Variants in ALKBH8 observed in about 807,000 individuals in gnomAD.
ALKBH8 encodes the protein tRNA (carboxymethyluridine(34)-5-O)-methyltransferase ALKBH8.
In ALKBH8, 36 loss-of-function variants were observed where a neutral mutation model predicts 59.8. The ratio of observed to expected loss-of-function variants is 0.60; its 90% CI spans 0.46 to 0.79. The LOEUF (loss-of-function observed/expected upper bound fraction) is 0.79, where lower values mean the gene tolerates loss of function less well. Among genes scored for constraint, ALKBH8 ranks in the 30% least tolerant of loss-of-function variants. ALKBH8 has a pLI of 0.00. For synonymous variants in ALKBH8, 276 were observed against 273.6 expected, an observed-to-expected ratio of 1.01 and a Z score of -0.09; for missense variants, 768 against 801.0, an observed-to-expected ratio of 0.96 and a Z score of 0.50.
At chr11:107,511,833 C>T (rs1159346305) in intron 10 of ALKBH8, among the ~76,000 whole-genome samples, 1 of 152,166 alleles carries the variant, frequency 6.6e-6, no homozygotes, top group Admixed American at 6.5e-5. Context: ...GCCTCAGCCT[C>T]CCAAAGTGCT....
At chr11:107,525,332 T>G in intron 9 of ALKBH8, 109 bp downstream of exon 9, 1 of 988,690 alleles carries the variant, frequency 1.0e-6, no homozygotes. Flanking sequence ...ATACAGGAAA[T>G]GCCATTAGAG....
chr11:107,510,048 C>T (rs571385537), intron 11 of ALKBH8, among the ~76,000 whole-genome samples: 1 of 152,264 alleles, frequency 6.6e-6, no homozygotes, highest in African/African-American at 2.4e-5. Flanking sequence ...CCACTGAGGC[C>T]TAGTGGCTTT....
chr11:107,546,744 C>T (rs1020199507), intron 7 of ALKBH8, among the ~76,000 whole-genome samples: 1 of 151,864 alleles, frequency 6.6e-6, no homozygotes, highest in Non-Finnish European at 1.5e-5. Flanking sequence ...TTCGAAGGTA[C>T]AAAAGCCTTA....
chr11:107,525,250 C>CTT (rs1863300671), intron 9 of ALKBH8, among the ~76,000 whole-genome samples, 191 bp downstream of exon 9: 1 of 152,114 alleles, frequency 6.6e-6, no homozygotes, highest in South Asian at 2.1e-4. Flanking sequence ...GATGCAGACC[C>CTT]TTGCCTTCAA....
intron 2 of ALKBH8, among the ~76,000 whole-genome samples, chr11:107,559,463 C>T (rs1270850853): frequency 1.3e-5 from 2 of 151,954 alleles, no homozygotes; most frequent in African/African-American, 4.8e-5. Flanking sequence ...AAGGCAGACC[C>T]AACCAGAAAC....
intron 10 of ALKBH8, among the ~76,000 whole-genome samples, chr11:107,515,144 A>AT (rs1158144036): frequency 6.6e-6 from 1 of 151,942 alleles, no homozygotes; most frequent in Non-Finnish European, 1.5e-5. Flanking sequence ...TGCAGTCACT[A>AT]TTTTTTCTCC....
intron 10 of ALKBH8, among the ~76,000 whole-genome samples, chr11:107,514,440 T>A (rs2135481808): frequency 6.6e-6 from 1 of 152,310 alleles, no homozygotes; most frequent in South Asian, 2.1e-4. Context: ...CTGCTTTAAT[T>A]TTAAAGTGAA....
chr11:107,548,827 T>A (rs1316509462), intron 7 of ALKBH8, among the ~76,000 whole-genome samples: 1 of 151,346 alleles, frequency 6.6e-6, no homozygotes, highest in East Asian at 1.9e-4. Flanking sequence ...TTAAGGACTC[T>A]TCCAGATTTA....
At chr11:107,538,384 A>C (rs143810414) in intron 7 of ALKBH8, among the ~76,000 whole-genome samples, 1 of 152,286 alleles carries the variant, frequency 6.6e-6, no homozygotes, top group East Asian at 1.9e-4. Context: ...AAGACCACAA[A>C]ATAAAAAGAC....
intron 10 of ALKBH8, among the ~76,000 whole-genome samples, chr11:107,516,832 C>T (rs921272974): frequency 6.6e-6 from 1 of 152,134 alleles, no homozygotes; most frequent in Non-Finnish European, 1.5e-5. Context: ...TTGAGACCAG[C>T]CTGGGCAACA....
At chr11:107,552,421 T>C (rs1337678631) in intron 5 of ALKBH8, among the ~76,000 whole-genome samples, 1 of 152,040 alleles carries the variant, frequency 6.6e-6, no homozygotes, top group African/African-American at 2.4e-5. Context: ...ATTATACCAA[T>C]TATATCAATG....
chr11:107,527,738 T>C (rs1279558954), intron 8 of ALKBH8, among the ~76,000 whole-genome samples: 1 of 152,086 alleles, frequency 6.6e-6, no homozygotes, highest in Non-Finnish European at 1.5e-5. Flanking sequence ...GGATTTTCTA[T>C]ATCCACAATA....
chr11:107,513,144 CTA>C (rs549909621), intron 10 of ALKBH8, among the ~76,000 whole-genome samples: 157 of 152,286 alleles, frequency 1.0e-3, no homozygotes, highest in African/African-American at 3.7e-3. Flanking sequence ...TATTTGCAAA[CTA>C]TGGATCTGAC....
At chr11:107,528,219 T>C (rs886693288) in intron 8 of ALKBH8, among the ~76,000 whole-genome samples, 3 of 152,156 alleles carry the variant, frequency 2.0e-5, no homozygotes, top group Non-Finnish European at 2.9e-5. Context: ...TGTTCTGTTA[T>C]GGGTTTTCTC....
chr11:107,532,300 C>T lies in ALKBH8; in HGVS notation c.878G>A (p.Gly293Glu), dbSNP rs758218964. 7.4e-6 allele frequency: 12 copies of T among 1,610,778 alleles called. No homozygotes were observed. In the South Asian group the frequency reaches 9.9e-5, roughly 13 times the overall value. The change falls in exon 8 of 12, where the codon GGA becomes GAA. Residue 293 changes from glycine to glutamate, a missense_variant and splice_region_variant. By Grantham distance (98) the Gly-to-Glu change is moderately conservative. Coordinates refer to ENST00000428149, the MANE Select transcript of ALKBH8 (RefSeq NM_138775.3). Reference protein sequence around the residue: ...TGESRYLWTHGITCRKFDTVQ... With the variant: ...TGESRYLWTHEITCRKFDTVQ... The stretch of plus-strand genomic sequence containing the variant: ...AATCCTGTCATATTTCAATACATAC[C>T]CATGGGTCCAAAGGTATCTAGATTC...
At chr11:107,537,705 A>T (rs1863876893) in intron 7 of ALKBH8, among the ~76,000 whole-genome samples, 1 of 126,528 alleles carries the variant, frequency 7.9e-6, no homozygotes, top group South Asian at 3.2e-4. Flanking sequence ...TGAACTTAAA[A>T]TAAAAGTTGA....
At chr11:107,550,013 C>G (rs1409290429) in intron 6 of ALKBH8, among the ~76,000 whole-genome samples, 190 bp from the exon 7 acceptor site, 1 of 152,162 alleles carries the variant, frequency 6.6e-6, no homozygotes, top group Non-Finnish European at 1.5e-5. Flanking sequence ...CTAAAAATAT[C>G]TTAACTTCAA....
chr11:107,519,963 G>T (rs529626841), intron 10 of ALKBH8, among the ~76,000 whole-genome samples: 1 of 152,272 alleles, frequency 6.6e-6, no homozygotes, highest in Admixed American at 6.5e-5. Context: ...ATTAACCATT[G>T]AAGTGCTATG....
intron 8 of ALKBH8, among the ~76,000 whole-genome samples, chr11:107,528,801 G>A (rs1189254425): frequency 6.6e-6 from 1 of 151,882 alleles, no homozygotes; most frequent in Non-Finnish European, 1.5e-5. Flanking sequence ...ATCAAATTGG[G>A]ACAATATTCA....
Sources: allele counts gnomAD v4.1 joint callset (sites outside exome capture counted in the v4.1 genomes callset), GRCh38; gene constraint gnomAD v4.1.1; transcripts MANE v1.5; gene names NCBI Gene and HGNC (gene_info 2026-07-23, HGNC 2026-07-21).